ADAMTS20: variants seen among roughly 807,000 people sequenced by gnomAD.
ADAMTS20 encodes the protein ADAM metallopeptidase with thrombospondin type 1 motif 20.
Under a neutral mutation model 260.1 loss-of-function variants are expected in ADAMTS20, and 225 were observed. The observed-to-expected ratio is 0.87, with a 90% CI of 0.78 to 0.97. The LOEUF (loss-of-function observed/expected upper bound fraction) is 0.97. ADAMTS20 is among the 50% of genes least tolerant of loss of function. The pLI is 0.00. For missense variants in ADAMTS20, 2,400 were observed against 2,337.7 expected, an observed-to-expected ratio of 1.03 and a Z score of -0.55; for synonymous variants, 802 against 769.5, an observed-to-expected ratio of 1.04 and a Z score of -0.70.
chr12:43,431,513 G>T lies in ADAMTS20; in HGVS notation c.3097-17C>A. ...AACAAGGCACTGTAAGAATAAAACT[G>T]ATCATTATTTATTTGCAGCATTAGT... is the stretch of plus-strand genomic sequence containing the variant. On this transcript the variant is annotated splice_polypyrimidine_tract_variant and intron_variant, in intron 21 of 38. Coordinates refer to ENST00000389420, the MANE Select transcript of ADAMTS20 (RefSeq NM_025003.5). The T allele has an allele frequency of 1.2e-6, 2 of 1,613,208 alleles. No homozygotes were observed. Among genetic ancestry groups the T allele is most frequent in the South Asian group, 2.2e-5 (2 of 90,948 alleles).
At position 43,468,597 on chromosome 12, in the gene ADAMTS20, T is replaced by C. The variant is rs1400915625; in HGVS notation, c.1223+3A>G. The C allele has an allele frequency of 6.4e-7, 1 of 1,572,778 alleles. No homozygotes were observed. The highest frequency in any genetic ancestry group is 1.8e-5 in the Admixed American group (1 of 56,720). ...CATTAAGGAGGTGACAGAAGGTACT[T>C]ACGTGTGCCCAAGCTCATGGGCTAT... On this transcript the variant is annotated splice_donor_region_variant and intron_variant, in intron 8 of 38. Coordinates refer to ENST00000389420, the MANE Select transcript of ADAMTS20 (RefSeq NM_025003.5).
At chr12:43,438,609 C>T (rs1305422737) in intron 18 of ADAMTS20, among the ~76,000 whole-genome samples, 1 of 152,134 alleles carries the variant, frequency 6.6e-6, no homozygotes, top group African/African-American at 2.4e-5. Flanking sequence ...CACCACAGTT[C>T]CTTTGGCACC....
chr12:43,428,163 G>A, intron 26 of ADAMTS20, 78 bp downstream of exon 26: 3 of 1,370,740 alleles, frequency 2.2e-6, no homozygotes, highest in African/African-American at 2.9e-5. Flanking sequence ...AGTACTGATG[G>A]CATCATATAC....
intron 7 of ADAMTS20, among the ~76,000 whole-genome samples, chr12:43,485,464 T>G (rs1490325266): frequency 6.6e-6 from 1 of 152,062 alleles, no homozygotes; most frequent in Admixed American, 6.6e-5. Context: ...GCCACTATCA[T>G]ATTGAACAGG....
At chr12:43,489,215 A>G (rs1001776984) in intron 7 of ADAMTS20, among the ~76,000 whole-genome samples, 1 of 148,194 alleles carries the variant, frequency 6.7e-6, no homozygotes, top group Non-Finnish European at 1.5e-5. Flanking sequence ...TGAGTTACAC[A>G]ATGGTTTCTT....
chr12:43,467,641 G>T (rs764545427), intron 8 of ADAMTS20, among the ~76,000 whole-genome samples: 12 of 151,976 alleles, frequency 7.9e-5, no homozygotes, highest in African/African-American at 2.2e-4. Context: ...CCACCCAGAT[G>T]TTGCCGCAAT....
Position 43,551,428 on chromosome 12 carries a change from C to T in ADAMTS20, c.92-158G>A, listed in dbSNP as rs1193167570. Among the ~76,000 whole-genome samples the T allele has an allele frequency of 3.3e-5, 5 of 152,264 alleles. No homozygotes were observed. The highest frequency in any genetic ancestry group is 4.1e-4 in the South Asian group (2 of 4,826). On this transcript the variant is annotated intron_variant, in intron 1 of 38. Transcript: ENST00000389420. This position sits in a 1 kb window ranked among gnomAD's most constrained non-coding sequence, Gnocchi z 4.6. The stretch of plus-strand genomic sequence containing the variant: ...GCTGATGCGCACGCACACACACACA[C>T]GTGCACTGGGACGGTTAGTGCTCTG...
chr12:43,521,422 C>CA lies in ADAMTS20; in HGVS notation c.613+10613dup, dbSNP rs970815380. On this transcript the variant is annotated intron_variant, in intron 3 of 38. Coordinates refer to ENST00000389420, the MANE Select transcript of ADAMTS20 (RefSeq NM_025003.5). The stretch of plus-strand genomic sequence containing the variant: ...AAATATTTTCCAAATAGATTACTCA[C>CA]AAAAAAAATATAAACGTCTCTTCAA... Among the ~76,000 whole-genome samples, 15 of 151,654 alleles carry CA rather than the reference C, an allele frequency of 9.9e-5. No homozygotes were observed. In the South Asian group the frequency reaches 2.1e-3, roughly 21 times the overall value.
At chr12:43,547,681 C>T (rs1943458613) in intron 2 of ADAMTS20, among the ~76,000 whole-genome samples, 1 of 150,410 alleles carries the variant, frequency 6.6e-6, no homozygotes, top group African/African-American at 2.5e-5. Context: ...AACCAGTTTA[C>T]CTGGAGAAGG....
At chr12:43,546,178 A>G (rs1943438866) in intron 2 of ADAMTS20, among the ~76,000 whole-genome samples, 1 of 152,168 alleles carries the variant, frequency 6.6e-6, no homozygotes, top group Non-Finnish European at 1.5e-5. Context: ...CTATATTCTT[A>G]TTTCCTGTCT....
chr12:43,532,328 G>A (rs1943234475), intron 2 of ADAMTS20, 133 bp from the exon 3 acceptor site: 1 of 754,478 alleles, frequency 1.3e-6, no homozygotes, highest in South Asian at 2.1e-5. Flanking sequence ...CATCAACTGA[G>A]CATAAAAAGT....
chr12:43,436,268 C>G (rs1312863018), intron 18 of ADAMTS20, among the ~76,000 whole-genome samples: 1 of 152,100 alleles, frequency 6.6e-6, no homozygotes, highest in Non-Finnish European at 1.5e-5. Context: ...CCAGGTTCCT[C>G]TGACAGGGCG....
chr12:43,494,099 C>A (rs1335776824), intron 4 of ADAMTS20, among the ~76,000 whole-genome samples: 1 of 152,208 alleles, frequency 6.6e-6, no homozygotes, highest in African/African-American at 2.4e-5. Context: ...TAATTAGAGG[C>A]ATATCCCACT....
chr12:43,396,121 T>G (rs1940697583), intron 29 of ADAMTS20, among the ~76,000 whole-genome samples: 1 of 152,112 alleles, frequency 6.6e-6, no homozygotes, highest in South Asian at 2.1e-4. Flanking sequence ...GATATACATT[T>G]GAACATAGAG....
At chr12:43,511,167 G>A (rs963890161) in intron 3 of ADAMTS20, among the ~76,000 whole-genome samples, 1 of 152,022 alleles carries the variant, frequency 6.6e-6, no homozygotes, top group Non-Finnish European at 1.5e-5. Context: ...TCTCACCTCA[G>A]AACATTATTA....
chr12:43,543,873 C>T (rs2137525974), intron 2 of ADAMTS20, among the ~76,000 whole-genome samples: 1 of 152,198 alleles, frequency 6.6e-6, no homozygotes, highest in South Asian at 2.1e-4. Flanking sequence ...CTGAGAAAGT[C>T]AAGATCCAGT....
chr12:43,478,541 A>C (rs745417384), intron 7 of ADAMTS20, among the ~76,000 whole-genome samples: 10 of 152,144 alleles, frequency 6.6e-5, no homozygotes, highest in Admixed American at 3.3e-4. Context: ...GACATAGCCC[A>C]AGCAGGATAA....
intron 36 of ADAMTS20, among the ~76,000 whole-genome samples, chr12:43,370,688 T>C (rs1181557808): frequency 6.6e-6 from 1 of 152,226 alleles, no homozygotes; most frequent in Non-Finnish European, 1.5e-5. Context: ...ATTTAACATG[T>C]TCAAAGCTAA....
At position 43,487,859 on chromosome 12, in the gene ADAMTS20, A is replaced by G. The variant is rs565197558; in HGVS notation, c.1117+2536T>C. Among the ~76,000 whole-genome samples the G allele has an allele frequency of 6.3e-4, 96 of 152,308 alleles. 2 individuals carry two copies. Among genetic ancestry groups the G allele is most frequent in the African/African-American group, 2.2e-3 (90 of 41,586 alleles). On this transcript the variant is annotated intron_variant, in intron 7 of 38. Transcript: ENST00000389420. ...AATGAAAATATTATGGAACTGATGC[A>G]TGGATAAATAGCAAATATGGTCCCA...
Sources: gnomAD v4.1 joint callset for allele counts (sites outside exome capture counted in the v4.1 genomes callset) on GRCh38, gnomAD v4.1.1 for gene constraint, Gnocchi (gnomAD v3.1) non-coding constraint, MANE v1.5 for transcripts, NCBI Gene and HGNC (gene_info 2026-07-23, HGNC 2026-07-21) for gene names.